Variants in SLC25A21 observed in about 807,000 individuals in gnomAD.
The protein encoded by SLC25A21 is mitochondrial 2-oxodicarboxylate carrier.
Under a neutral mutation model 43.8 loss-of-function variants are expected in SLC25A21, and 47 were observed. The observed-to-expected ratio is 1.07, with a 90% CI of 0.85 to 1.37. SLC25A21 has a LOEUF of 1.37. SLC25A21 is among the 40% of genes most tolerant of loss of function. SLC25A21 has a pLI of 0.00. For synonymous variants in SLC25A21, 131 were observed against 121.3 expected (o/e 1.08, Z -0.52); for missense variants, 352 against 350.2 (o/e 1.00, Z -0.04).
chr14:37,114,253 A>G (rs1451413006), intron 1 of SLC25A21, among the ~76,000 whole-genome samples: 1 of 152,222 alleles, frequency 6.6e-6, no homozygotes, highest in African/African-American at 2.4e-5. Flanking sequence ...CCCTCAGACA[A>G]AAGTAGGATG....
rs74617913 is a variant in SLC25A21, at chr14:36,890,364, G to C, written c.71-15360C>G. On this transcript the variant is annotated intron_variant, in intron 1 of 9. Transcript: ENST00000331299. ...ATATGAGGAAATGACAGAGGGCAAA[G>C]GCATGAGTGCATGGCAGCGAGTAAT... is the stretch of plus-strand genomic sequence containing the variant. 9.5e-3 allele frequency among the ~76,000 whole-genome samples: 1,443 copies of C among 152,282 alleles called. 17 individuals carry two copies. Among genetic ancestry groups the C allele is most frequent in the African/African-American group, 0.031 (1,308 of 41,554 alleles).
At chr14:36,994,771 A>G (rs1960336449) in intron 1 of SLC25A21, among the ~76,000 whole-genome samples, 1 of 152,138 alleles carries the variant, frequency 6.6e-6, no homozygotes, top group Non-Finnish European at 1.5e-5. Flanking sequence ...CAGACTCACG[A>G]ACCTCCTGCC....
intron 7 of SLC25A21, among the ~76,000 whole-genome samples, chr14:36,701,630 G>A (rs1401370056): frequency 6.6e-6 from 1 of 152,028 alleles, no homozygotes; most frequent in African/African-American, 2.4e-5. Flanking sequence ...AGGCATAATA[G>A]TTATCTCTTG....
At chr14:36,758,373 T>C (rs185068489) in intron 3 of SLC25A21, among the ~76,000 whole-genome samples, 1 of 152,194 alleles carries the variant, frequency 6.6e-6, no homozygotes, top group African/African-American at 2.4e-5. Flanking sequence ...AAGATGAACC[T>C]GAGTGTTTGG....
At chr14:36,886,670 A>G (rs945201656) in intron 1 of SLC25A21, among the ~76,000 whole-genome samples, 16 of 152,326 alleles carry the variant, frequency 1.1e-4, no homozygotes, top group African/African-American at 2.9e-4. Context: ...AAAATAAGTG[A>G]GTTTTTTTTA....
At chr14:36,849,447 T>C (rs1039006745) in intron 2 of SLC25A21, among the ~76,000 whole-genome samples, 2 of 152,194 alleles carry the variant, frequency 1.3e-5, no homozygotes, top group African/African-American at 4.8e-5. Flanking sequence ...TGTTTCATAA[T>C]GAACAAAAAC....
chr14:37,022,084 C>G (rs759086590), intron 1 of SLC25A21, among the ~76,000 whole-genome samples: 1 of 151,348 alleles, frequency 6.6e-6, no homozygotes, highest in Non-Finnish European at 1.5e-5. Flanking sequence ...GATTCATATG[C>G]CTTTATTACT....
At chr14:36,873,208 A>G (rs848035) in intron 2 of SLC25A21, among the ~76,000 whole-genome samples, 135,394 of 152,212 alleles carry the variant, frequency 0.89, 60,767 homozygotes, top group Non-Finnish European at 0.95. Flanking sequence ...TTTCTGTTTC[A>G]GAACCTTGTA....
At position 37,047,413 on chromosome 14, in the gene SLC25A21, C is replaced by G. The variant is rs374805056; in HGVS notation, c.70+124868G>C. Among the ~76,000 whole-genome samples the G allele has an allele frequency of 3.9e-5, 6 of 152,128 alleles. 1 individual carries two copies. Among genetic ancestry groups the G allele is most frequent in the African/African-American group, 1.4e-4 (6 of 41,496 alleles). On this transcript the variant is annotated intron_variant, in intron 1 of 9. Coordinates refer to ENST00000331299, the MANE Select transcript of SLC25A21 (RefSeq NM_030631.4). The stretch of plus-strand genomic sequence containing the variant: ...CAGACCAAAGTTGGAAGTATGAGAG[C>G]AATAAGAAAAACATGACCTAAAGGG...
chr14:36,760,699 T>C (rs1254724377), intron 3 of SLC25A21, among the ~76,000 whole-genome samples: 2 of 152,182 alleles, frequency 1.3e-5, no homozygotes, highest in African/African-American at 4.8e-5. Flanking sequence ...TTGAACATTT[T>C]TTCACCTCCT....
intron 1 of SLC25A21, among the ~76,000 whole-genome samples, chr14:36,890,851 C>A (rs1891054487): frequency 6.6e-6 from 1 of 152,010 alleles, no homozygotes; most frequent in African/African-American, 2.4e-5. Context: ...CTATAATGAC[C>A]ACAATATGTA....
intron 1 of SLC25A21, among the ~76,000 whole-genome samples, chr14:37,015,908 A>ATTTG (rs1960844090): frequency 6.6e-6 from 1 of 151,716 alleles, no homozygotes; most frequent in Non-Finnish European, 1.5e-5. Context: ...TTTCTTGTAA[A>ATTTG]TTTGTTTGAG....
intron 1 of SLC25A21, among the ~76,000 whole-genome samples, chr14:36,921,463 GA>G (rs2138624808): frequency 6.6e-6 from 1 of 152,176 alleles, no homozygotes; most frequent in Admixed American, 6.5e-5. Flanking sequence ...GAGGACATTA[GA>G]AATGGAATGA....
chr14:37,058,047 T>C (rs1961868375), intron 1 of SLC25A21, among the ~76,000 whole-genome samples: 1 of 152,198 alleles, frequency 6.6e-6, no homozygotes, highest in African/African-American at 2.4e-5. Flanking sequence ...TTGCCAGCAC[T>C]TTCCCAGGCT....
chr14:37,059,424 A>T (rs1260258155), intron 1 of SLC25A21, among the ~76,000 whole-genome samples: 1 of 152,188 alleles, frequency 6.6e-6, no homozygotes, highest in Non-Finnish European at 1.5e-5. Context: ...ATTGCATGAT[A>T]CCACCTTTCA....
At chr14:36,832,013 A>G (rs1486308095) in intron 2 of SLC25A21, among the ~76,000 whole-genome samples, 1 of 152,170 alleles carries the variant, frequency 6.6e-6, no homozygotes, top group African/African-American at 2.4e-5. Flanking sequence ...ATTTCCATGC[A>G]TGTGTCTTTG....
At chr14:37,144,365 A>C (rs977967513) in intron 1 of SLC25A21, among the ~76,000 whole-genome samples, 2 of 152,238 alleles carry the variant, frequency 1.3e-5, no homozygotes, top group African/African-American at 4.8e-5. Context: ...ATGAATGATA[A>C]ATAGAATACC....
chr14:36,821,796 G>A (rs7150466), intron 2 of SLC25A21, among the ~76,000 whole-genome samples: 14,665 of 152,202 alleles, frequency 0.096, 1,032 homozygotes, highest in East Asian at 0.31. Context: ...CAGCCTGGAC[G>A]ACAGTGCGAG....
intron 1 of SLC25A21, among the ~76,000 whole-genome samples, chr14:37,167,149 A>C (rs1964042950): frequency 6.6e-6 from 1 of 152,168 alleles, no homozygotes; most frequent in Non-Finnish European, 1.5e-5. Flanking sequence ...TAAGACTGAA[A>C]GCTAAATTGA....
Sources: gnomAD v4.1 joint callset for allele counts (sites outside exome capture counted in the v4.1 genomes callset) on GRCh38, gnomAD v4.1.1 for gene constraint, MANE v1.5 for transcripts, NCBI Gene and HGNC (gene_info 2026-07-23, HGNC 2026-07-21) for gene names.